ASIC2: variants seen among roughly 807,000 people sequenced by gnomAD.
ASIC2 encodes acid sensing ion channel subunit 2.
Under a neutral mutation model 57.3 loss-of-function variants are expected in ASIC2, and 25 were observed. The ratio of observed to expected loss-of-function variants is 0.44; its 90% confidence interval spans 0.32 to 0.61. The LOEUF (loss-of-function observed/expected upper bound fraction) is 0.61. Ranked by LOEUF, ASIC2 falls within the 20% of genes least tolerant of loss-of-function variation. The pLI, the probability that ASIC2 is intolerant of heterozygous loss-of-function variation, is 0.06. For missense variants in ASIC2, 641 were observed against 738.1 expected, an observed-to-expected ratio of 0.87 and a Z score of 1.52; for synonymous variants, 319 against 307.5, an observed-to-expected ratio of 1.04 and a Z score of -0.39.
intron 1 of ASIC2, among the ~76,000 whole-genome samples, chr17:33,621,224 C>T (rs555898394): frequency 3.2e-4 from 49 of 152,226 alleles, no homozygotes; most frequent in African/African-American, 1.2e-3. Flanking sequence ...ATAACTATAA[C>T]GTAAGTAATA....
At chr17:33,671,999 CT>C (rs1300729679) in intron 1 of ASIC2, among the ~76,000 whole-genome samples, 2 of 152,130 alleles carry the variant, frequency 1.3e-5, no homozygotes, top group African/African-American at 2.4e-5. Flanking sequence ...CATCAGTTCA[CT>C]TTTCCCCCCC....
At chr17:33,354,330 G>GC (rs1197787699) in intron 1 of ASIC2, among the ~76,000 whole-genome samples, 2 of 152,062 alleles carry the variant, frequency 1.3e-5, no homozygotes, top group Non-Finnish European at 1.5e-5. Flanking sequence ...CCCACTATGA[G>GC]CCCCCTGGAG....
At chr17:34,127,796 A>G (rs1017035869) in intron 1 of ASIC2, among the ~76,000 whole-genome samples, 3 of 152,202 alleles carry the variant, frequency 2.0e-5, no homozygotes, top group African/African-American at 7.2e-5. Flanking sequence ...AAGGAAAAGA[A>G]TATGATAAAA....
chr17:33,506,469 A>AT (rs1366863725), intron 1 of ASIC2, among the ~76,000 whole-genome samples: 9 of 151,672 alleles, frequency 5.9e-5, no homozygotes, highest in Non-Finnish European at 1.2e-4. Flanking sequence ...GTGAGTGTGT[A>AT]TGTGTGTGAC....
At chr17:33,974,142 TC>T (rs1905301799) in intron 1 of ASIC2, among the ~76,000 whole-genome samples, 1 of 151,878 alleles carries the variant, frequency 6.6e-6, no homozygotes, top group Admixed American at 6.6e-5. Flanking sequence ...TCCTCAAACC[TC>T]CTGTGCTCTC....
intron 1 of ASIC2, among the ~76,000 whole-genome samples, chr17:33,675,097 TG>T (rs1567685895): frequency 1.3e-5 from 2 of 152,226 alleles, no homozygotes; most frequent in African/African-American, 2.4e-5. Context: ...ACCTAATTCT[TG>T]TAAAGTGCTT....
intron 1 of ASIC2, chr17:33,533,532 T>C (rs1402674675): frequency 6.6e-6 from 1 of 152,144 alleles, no homozygotes; most frequent in Non-Finnish European, 1.5e-5. Flanking sequence ...AGAAATCTAC[T>C]TGTGTCACAA....
intron 1 of ASIC2, among the ~76,000 whole-genome samples, chr17:33,990,971 T>C (rs534666285): frequency 2.5e-4 from 38 of 152,352 alleles, no homozygotes; most frequent in African/African-American, 8.7e-4. Flanking sequence ...TTTAGGTTAT[T>C]GCAGTAAAGA....
At chr17:33,172,532 C>G (rs1043828017) in intron 1 of ASIC2, among the ~76,000 whole-genome samples, 6 of 152,200 alleles carry the variant, frequency 3.9e-5, no homozygotes, top group Non-Finnish European at 7.3e-5. Context: ...GAGACAAGAA[C>G]AAGCACAAAC....
chr17:33,950,420 C>T lies in ASIC2; in HGVS notation c.555+205558G>A, dbSNP rs143509880. Among the ~76,000 whole-genome samples, 994 of 152,310 alleles carry T rather than the reference C, an allele frequency of 6.5e-3. 17 individuals carry two copies. Among genetic ancestry groups the T allele is most frequent in the South Asian group, 0.052 (252 of 4,814 alleles). The stretch of plus-strand genomic sequence containing the variant: ...CAGACCACGTTCCCTCAGCCAATAT[C>T]GAGACAAAGTCTATTCTGCTGCCTG... On this transcript the variant is annotated intron_variant, in intron 1 of 9. Transcript: ENST00000359872.
At chr17:33,246,004 T>G (rs533819842) in intron 1 of ASIC2, among the ~76,000 whole-genome samples, 103 of 147,180 alleles carry the variant, frequency 7.0e-4, no homozygotes, top group African/African-American at 1.6e-3. Flanking sequence ...CTGGGCAACA[T>G]AGTGAGACCC....
At chr17:33,933,959 T>C (rs1163722545) in intron 1 of ASIC2, among the ~76,000 whole-genome samples, 1 of 152,238 alleles carries the variant, frequency 6.6e-6, no homozygotes, top group African/African-American at 2.4e-5. Flanking sequence ...GAGCTGTTAG[T>C]TTTTCTGTTC....
chr17:33,829,614 T>C (rs1949553123), intron 1 of ASIC2, among the ~76,000 whole-genome samples: 1 of 151,386 alleles, frequency 6.6e-6, no homozygotes, highest in Non-Finnish European at 1.5e-5. Flanking sequence ...TCTCACTCTG[T>C]CATCCAGGCT....
intron 1 of ASIC2, among the ~76,000 whole-genome samples, chr17:33,734,970 G>T (rs1411476115): frequency 6.6e-6 from 1 of 152,138 alleles, no homozygotes; most frequent in Non-Finnish European, 1.5e-5. Context: ...TGACTTTCTT[G>T]CTATTTCTCA....
At chr17:34,007,472 G>A (rs1906564440) in intron 1 of ASIC2, among the ~76,000 whole-genome samples, 1 of 152,182 alleles carries the variant, frequency 6.6e-6, no homozygotes, top group Non-Finnish European at 1.5e-5. Flanking sequence ...GACTGGGAGT[G>A]CTGGGATAAG....
chr17:33,924,057 T>C (rs998160209), intron 1 of ASIC2, among the ~76,000 whole-genome samples: 1 of 152,242 alleles, frequency 6.6e-6, no homozygotes, highest in Non-Finnish European at 1.5e-5. Flanking sequence ...CCTCTCTTTA[T>C]TTCTGTTTCC....
At chr17:33,280,247 G>A (rs1301733255) in intron 1 of ASIC2, among the ~76,000 whole-genome samples, 4 of 152,154 alleles carry the variant, frequency 2.6e-5, no homozygotes, top group Non-Finnish European at 5.9e-5. Flanking sequence ...CTACTTGGAT[G>A]TGAAAAATGC....
chr17:33,470,600 G>C (rs1192677492), intron 1 of ASIC2, among the ~76,000 whole-genome samples: 1 of 152,154 alleles, frequency 6.6e-6, no homozygotes. Flanking sequence ...ATGAGTCTGT[G>C]GATCACTGTG....
At chr17:33,089,947 C>A (rs2092150905) in intron 2 of ASIC2, among the ~76,000 whole-genome samples, 1 of 152,168 alleles carries the variant, frequency 6.6e-6, no homozygotes, top group Non-Finnish European at 1.5e-5. Flanking sequence ...AAGCCTTTAC[C>A]AGATCCCCCT....
Sources: gnomAD v4.1 joint callset for allele counts (sites outside exome capture counted in the v4.1 genomes callset) on GRCh38, gnomAD v4.1.1 for gene constraint, MANE v1.5 for transcripts, NCBI Gene and HGNC (gene_info 2026-07-23, HGNC 2026-07-21) for gene names.